Variants in ZNF469 observed in about 807,000 individuals in gnomAD.
ZNF469 encodes zinc finger protein 469.
In ZNF469, 1 loss-of-function variant was observed where a neutral mutation model predicts 1.0. That is an observed-to-expected ratio of 1.00 (90% CI 0.35 to 4.73). The LOEUF (loss-of-function observed/expected upper bound fraction) is 4.73. Among genes scored for constraint, ZNF469 ranks in the 30% most tolerant of loss-of-function variants. ZNF469 has a pLI of 0.16. For synonymous variants in ZNF469, 2,703 were observed against 2,363.4 expected (o/e 1.14, Z -4.17); for missense variants, 6,100 against 5,356.3 (o/e 1.14, Z -4.33).
intron 1 of ZNF469, among the ~76,000 whole-genome samples, chr16:88,401,724 TGG>T (rs1904874033): frequency 1.7e-4 from 3 of 17,188 alleles, no homozygotes; most frequent in Non-Finnish European, 3.8e-4. Flanking sequence ...GATGGATGGG[TGG>T]ATGGGTGGAT....
At chr16:88,275,087 T>C in the ZNF469 span, among the ~76,000 whole-genome samples, 1 of 152,154 alleles carries the variant, frequency 6.6e-6, no homozygotes, top group African/African-American at 2.4e-5. Context: ...GCTGGAGAGA[T>C]AGGGCACAAA....
At chr16:88,111,085 G>A in the ZNF469 span, among the ~76,000 whole-genome samples, 38 of 152,306 alleles carry the variant, frequency 2.5e-4, 1 homozygote, top group East Asian at 6.8e-3. Flanking sequence ...GGGCCGGTGC[G>A]ACTTCCCAAA....
At chr16:88,379,900 C>T (rs564135214), upstream of ZNF469, among the ~76,000 whole-genome samples, 9 of 152,292 alleles carry the variant, frequency 5.9e-5, no homozygotes, top group East Asian at 1.7e-3. Flanking sequence ...AGTGACTGGC[C>T]CGGAGTGGGT....
In ZNF469 at chr16:88,427,416, T is replaced by TC. The variant is rs1905758716; in HGVS notation, c.-51dup. 1 of 1,430,446 alleles carries TC rather than the reference T, an allele frequency of 7.0e-7. No homozygotes were observed. Among genetic ancestry groups the TC allele is most frequent in the African/African-American group, 1.4e-5 (1 of 69,162 alleles). The allele number at this position is 1,430,446 out of a possible 1,614,324, so 88.6% of individuals were successfully genotyped here. ...GGCTGAGGATGGCCGTCCAGCCCAC[T>TC]CCCCAGGGCCCCCCTCGGACAGCTG... On this transcript the variant is annotated 5_prime_UTR_variant, in exon 3 of 3. It removes the in-frame stop codon of an upstream open reading frame in the 5' UTR. Coordinates refer to ENST00000565624, the MANE Select transcript of ZNF469 (RefSeq NM_001367624.2).
chr16:88,237,934 C>G, the ZNF469 span, among the ~76,000 whole-genome samples: 2 of 151,924 alleles, frequency 1.3e-5, no homozygotes, highest in Admixed American at 1.3e-4. Flanking sequence ...ATCCAGCCTT[C>G]TCCAATGGGC....
the ZNF469 span, among the ~76,000 whole-genome samples, chr16:88,201,459 G>A: frequency 6.6e-6 from 1 of 152,174 alleles, no homozygotes; most frequent in Non-Finnish European, 1.5e-5. The surrounding 1 kb of genome is among the most constrained non-coding windows in gnomAD (Gnocchi z 5.0). Context: ...GGAGGCTAAG[G>A]CAGGAGAATC....
At chr16:88,355,640 G>A in the ZNF469 span, among the ~76,000 whole-genome samples, 1 of 152,194 alleles carries the variant, frequency 6.6e-6, no homozygotes, top group Non-Finnish European at 1.5e-5. Flanking sequence ...CTCTGTGAGT[G>A]GACAGGTGTT....
the ZNF469 span, among the ~76,000 whole-genome samples, chr16:88,295,151 TGGC>T: frequency 2.5e-3 from 26 of 10,552 alleles, 2 homozygotes; most frequent in African/African-American, 0.011. Flanking sequence ...CCCCAGGACG[TGGC>T]AGGGCTCAGG....
chr16:88,316,865 C>T, the ZNF469 span, among the ~76,000 whole-genome samples: 1,246 of 152,214 alleles, frequency 8.2e-3, 8 homozygotes, highest in Middle Eastern at 0.044. Flanking sequence ...GTCTCAGTGC[C>T]GCATTGCCCA....
At chr16:88,387,250 C>G (rs8044280) in intron 1 of ZNF469, among the ~76,000 whole-genome samples, 38,149 of 152,122 alleles carry the variant, frequency 0.25, 5,093 homozygotes, top group Non-Finnish European at 0.29. Flanking sequence ...CGGAGGGTTG[C>G]GGCCTTGGCC....
the ZNF469 span, among the ~76,000 whole-genome samples, chr16:88,229,649 A>G: frequency 5.4e-4 from 46 of 84,606 alleles, no homozygotes; most frequent in Admixed American, 3.7e-3. Context: ...GTGTGTGCTG[A>G]TGTCACGCGT....
At chr16:88,104,242 G>A in the ZNF469 span, among the ~76,000 whole-genome samples, 1 of 105,182 alleles carries the variant, frequency 9.5e-6, no homozygotes, top group Non-Finnish European at 2.1e-5. Flanking sequence ...CTCCCAGACG[G>A]TATCTTAAAA....
At chr16:88,170,488 G>A in the ZNF469 span, among the ~76,000 whole-genome samples, 50 of 152,296 alleles carry the variant, frequency 3.3e-4, no homozygotes, top group African/African-American at 1.2e-3. This position sits in a 1 kb window ranked among gnomAD's most constrained non-coding sequence, Gnocchi z 4.2. Context: ...CTCTGCTTCA[G>A]TGAGTTCAAC....
Position 88,437,447 on chromosome 16 carries a change from C to G in ZNF469, c.9977C>G (p.Thr3326Ser). ...WAGGEPLLQA[T>S]PVHEACKDPS... Reference sequence around the variant, plus strand: ...GGCGGGGAGCCCCTCCTGCAAGCCACCCCGGTGCACGAGGCCTGCAAGGAC... The same window carrying G: ...GGCGGGGAGCCCCTCCTGCAAGCCAGCCCGGTGCACGAGGCCTGCAAGGAC... The change falls in exon 3 of 3, where the codon ACC becomes AGC. Residue 3326 changes from threonine (T) to serine (S), a missense_variant. By Grantham distance (58) the Thr-to-Ser change is moderately conservative. Coordinates refer to ENST00000565624, the MANE Select transcript of ZNF469 (RefSeq NM_001367624.2). 6.6e-7 allele frequency: 1 copy of G among 1,526,570 alleles called. No individual in the cohort carries two copies. The highest frequency in any genetic ancestry group is 1.4e-5 in the African/African-American group (1 of 71,740). 94.6% of individuals were successfully genotyped at this position (1,526,570 alleles called of 1,614,324 possible). A position where few individuals can be genotyped will look rare whatever the true frequency, so the allele number is the denominator to read the frequency against.
chr16:88,327,556 G>T, the ZNF469 span, among the ~76,000 whole-genome samples: 79 of 152,224 alleles, frequency 5.2e-4, no homozygotes, highest in Middle Eastern at 3.4e-3. Context: ...TTGGGGTTGG[G>T]GGGGGGTCTG....
chr16:88,107,864 C>T, the ZNF469 span, among the ~76,000 whole-genome samples: 5 of 152,216 alleles, frequency 3.3e-5, no homozygotes, highest in East Asian at 1.9e-4. Flanking sequence ...TGTTGGGCTC[C>T]GGCCTCCACA....
the ZNF469 span, among the ~76,000 whole-genome samples, chr16:88,290,120 G>C: frequency 1.3e-5 from 2 of 152,244 alleles, no homozygotes; most frequent in Non-Finnish European, 2.9e-5. Context: ...CCCTCTGAGA[G>C]CAGTGAGGCA....
chr16:88,325,341 C>A, the ZNF469 span, among the ~76,000 whole-genome samples: 1 of 152,228 alleles, frequency 6.6e-6, no homozygotes, highest in East Asian at 1.9e-4. Flanking sequence ...CACCAGACTG[C>A]ACAATTGGTG....
At chr16:88,207,967 A>G in the ZNF469 span, among the ~76,000 whole-genome samples, 7 of 152,168 alleles carry the variant, frequency 4.6e-5, no homozygotes, top group Admixed American at 3.3e-4. Context: ...GCCAGACTTA[A>G]TAAGTATTTT....
Sources: allele counts gnomAD v4.1 joint callset (sites outside exome capture counted in the v4.1 genomes callset), GRCh38; gene constraint gnomAD v4.1.1; non-coding constraint Gnocchi (gnomAD v3.1); transcripts MANE v1.5; gene names NCBI Gene and HGNC (gene_info 2026-07-23, HGNC 2026-07-21).